MTA3: variants seen among roughly 807,000 people sequenced by gnomAD.
MTA3 encodes the protein metastasis-associated protein MTA3.
Under a neutral mutation model 83.5 loss-of-function variants are expected in MTA3, and 34 were observed. That is an observed-to-expected ratio of 0.41 (90% CI 0.31 to 0.54). The LOEUF (loss-of-function observed/expected upper bound fraction) is 0.54, where lower values mean the gene tolerates loss of function less well. Ranked by LOEUF, MTA3 falls within the 20% of genes least tolerant of loss-of-function variation. MTA3 has a pLI of 0.33. For synonymous variants in MTA3, 303 were observed against 252.7 expected (o/e 1.20, Z -1.89); for missense variants, 761 against 726.4 (o/e 1.05, Z -0.55).
At chr2:42,623,870 T>C (rs1414744914) in intron 4 of MTA3, among the ~76,000 whole-genome samples, 1 of 152,116 alleles carries the variant, frequency 6.6e-6, no homozygotes, top group Non-Finnish European at 1.5e-5. Flanking sequence ...TTTTTGTATT[T>C]TAAGTAGAGA....
At chr2:42,645,456 C>CAG (rs964257956) in intron 6 of MTA3, among the ~76,000 whole-genome samples, 1 of 152,088 alleles carries the variant, frequency 6.6e-6, no homozygotes, top group Admixed American at 6.6e-5. Flanking sequence ...ACCTCGGAGG[C>CAG]AGAGGTTGGA....
Position 42,755,969 on chromosome 2 carries a change from C to A in MTA3, c.*2570C>A. ...GTGTCGCCGGAAGGTTTCAGCCTGCCCTTCACAATTCCCCTTGTGCACAGC... is the reference window on the plus strand; with the variant it reads ...GTGTCGCCGGAAGGTTTCAGCCTGCACTTCACAATTCCCCTTGTGCACAGC... On this transcript the variant is annotated 3_prime_UTR_variant, in exon 17 of 17. Coordinates refer to ENST00000405094, the MANE Select transcript of MTA3 (RefSeq NM_001330442.2). 1.0e-6 allele frequency: 1 copy of A among 985,512 alleles called. No homozygotes were observed. The highest frequency in any genetic ancestry group is 1.2e-6 in the Non-Finnish European group (1 of 830,002). The allele number at this position is 985,512 out of a possible 1,614,324, so 61.0% of individuals were successfully genotyped here.
chr2:42,597,365 G>A (rs1230246487), intron 3 of MTA3, among the ~76,000 whole-genome samples: 4 of 142,066 alleles, frequency 2.8e-5, no homozygotes, highest in African/African-American at 1.1e-4. Flanking sequence ...GCACCTGGCC[G>A]ACAAGTTATC....
intron 2 of MTA3, among the ~76,000 whole-genome samples, chr2:42,577,379 CT>C (rs1336634384): frequency 7.2e-5 from 11 of 151,828 alleles, no homozygotes; most frequent in Admixed American, 2.6e-4. Context: ...TCCCCGCCCC[CT>C]AAGCAGGTTT....
intron 6 of MTA3, among the ~76,000 whole-genome samples, chr2:42,649,501 A>T (rs1688514041): frequency 6.6e-6 from 1 of 152,192 alleles, no homozygotes. Flanking sequence ...GTATGCACTT[A>T]AAACTTGTAT....
chr2:42,665,296 G>A (rs1027177406), intron 8 of MTA3, among the ~76,000 whole-genome samples: 3 of 152,188 alleles, frequency 2.0e-5, no homozygotes, highest in African/African-American at 7.2e-5. Flanking sequence ...GGAGGCTGAG[G>A]CAGGAGAATC....
At chr2:42,499,961 GAAAA>G (rs929451419) in intron 2 of MTA3, among the ~76,000 whole-genome samples, 12 of 138,198 alleles carry the variant, frequency 8.7e-5, no homozygotes, top group Non-Finnish European at 1.7e-4. Flanking sequence ...TTTCTTTTTT[GAAAA>G]AAAAAAAAGA....
intron 6 of MTA3, among the ~76,000 whole-genome samples, chr2:42,647,237 T>C (rs994383030): frequency 6.6e-6 from 1 of 151,584 alleles, no homozygotes; most frequent in Non-Finnish European, 1.5e-5. Context: ...AAAAACTTTT[T>C]TTTAGAGACA....
chr2:42,577,105 A>AAAAAAAAAAAATAT (rs1211189566), intron 2 of MTA3, among the ~76,000 whole-genome samples: 14 of 86,920 alleles, frequency 1.6e-4, no homozygotes, highest in East Asian at 5.4e-4. Flanking sequence ...AAAAAAAAAA[A>AAAAAAAAAAAATAT]ATATATATAT....
intron 2 of MTA3, among the ~76,000 whole-genome samples, chr2:42,530,316 T>C (rs1213141923): frequency 6.6e-6 from 1 of 150,948 alleles, no homozygotes; most frequent in East Asian, 1.9e-4. Context: ...GGTGAAACCG[T>C]CTCTACTAAA....
chr2:42,721,294 C>G (rs1667390218), intron 15 of MTA3, among the ~76,000 whole-genome samples: 1 of 150,416 alleles, frequency 6.6e-6, no homozygotes, highest in African/African-American at 2.4e-5. Flanking sequence ...GCGTTGGGCA[C>G]TTGGAGGAAG....
chr2:42,634,729 G>A (rs1217675536), intron 4 of MTA3, among the ~76,000 whole-genome samples: 1 of 151,862 alleles, frequency 6.6e-6, no homozygotes, highest in Non-Finnish European at 1.5e-5. Context: ...GCAGTCATTT[G>A]CTTGGTTCCA....
chr2:42,500,292 G>A (rs77091436), intron 2 of MTA3, among the ~76,000 whole-genome samples: 242 of 152,032 alleles, frequency 1.6e-3, no homozygotes, highest in African/African-American at 5.6e-3. Flanking sequence ...CCAGCTACTC[G>A]GGAGGCTAAG....
At chr2:42,665,499 T>G (rs894130344) in intron 8 of MTA3, among the ~76,000 whole-genome samples, 2 of 152,164 alleles carry the variant, frequency 1.3e-5, no homozygotes, top group African/African-American at 2.4e-5. Context: ...CCTGCATTAG[T>G]TAGTAAGTGG....
chr2:42,559,744 C>T (rs1385455181), intron 2 of MTA3, among the ~76,000 whole-genome samples: 2 of 146,072 alleles, frequency 1.4e-5, no homozygotes, highest in Admixed American at 1.4e-4. Context: ...GGCGTGGTAG[C>T]GCATGCCTGT....
At chr2:42,549,233 G>T (rs180983220) in intron 2 of MTA3, among the ~76,000 whole-genome samples, 2 of 130,454 alleles carry the variant, frequency 1.5e-5, no homozygotes, top group Admixed American at 9.3e-5. Flanking sequence ...TATTATATAT[G>T]TATACGTATA....
At chr2:42,509,231 C>T (rs1420352663) in intron 2 of MTA3, among the ~76,000 whole-genome samples, 2 of 151,946 alleles carry the variant, frequency 1.3e-5, no homozygotes, top group African/African-American at 2.4e-5. Flanking sequence ...GTAGTAGAAA[C>T]GGGGTTTCAC....
At chr2:42,676,597 C>G (rs758074979) in intron 8 of MTA3, among the ~76,000 whole-genome samples, 2 of 152,096 alleles carry the variant, frequency 1.3e-5, no homozygotes, top group East Asian at 1.9e-4. Context: ...AAAACCCTGT[C>G]TCTACTGAAA....
chr2:42,674,402 T>C (rs1266921764), intron 8 of MTA3, among the ~76,000 whole-genome samples: 1 of 152,216 alleles, frequency 6.6e-6, no homozygotes, highest in African/African-American at 2.4e-5. Context: ...TCTCCATCTG[T>C]TATGAATGAG....
Sources: gnomAD v4.1 joint callset for allele counts (sites outside exome capture counted in the v4.1 genomes callset) on GRCh38, gnomAD v4.1.1 for gene constraint, MANE v1.5 for transcripts, NCBI Gene and HGNC (gene_info 2026-07-23, HGNC 2026-07-21) for gene names.